The following ATP9B variants were observed in gnomAD, a reference collection of about 807,000 sequenced individuals.
ATP9B encodes ATPase phospholipid transporting 9B.
In ATP9B, 110 loss-of-function variants were observed where a neutral mutation model predicts 146.1. That is an observed-to-expected ratio of 0.75 (90% CI 0.65 to 0.88). The LOEUF (loss-of-function observed/expected upper bound fraction) is 0.88, where lower values mean the gene tolerates loss of function less well. Among genes scored for constraint, ATP9B ranks in the 40% least tolerant of loss-of-function variants. The probability of loss-of-function intolerance (pLI) is 0.00; values close to 1 mark genes in which losing one functional copy is unlikely to be tolerated. For synonymous variants in ATP9B, 604 were observed against 569.7 expected, an observed-to-expected ratio of 1.06 and a Z score of -0.86; for missense variants, 1,499 against 1,496.4, an observed-to-expected ratio of 1.00 and a Z score of -0.03.
chr18:79,238,203 G>A (rs1165391832), intron 11 of ATP9B, among the ~76,000 whole-genome samples: 1 of 150,556 alleles, frequency 6.6e-6, no homozygotes, highest in Non-Finnish European at 1.5e-5. Flanking sequence ...GTTGAGTACT[G>A]TCATGTTGAA....
chr18:79,187,683 A>G (rs1035303542), intron 8 of ATP9B, among the ~76,000 whole-genome samples: 1 of 152,168 alleles, frequency 6.6e-6, no homozygotes. Context: ...AGCAGTTCTC[A>G]GAGGACTGTG....
At chr18:79,147,086 T>G (rs1447991143) in intron 6 of ATP9B, among the ~76,000 whole-genome samples, 1 of 151,822 alleles carries the variant, frequency 6.6e-6, no homozygotes, top group African/African-American at 2.4e-5. Flanking sequence ...TACTTCAGAG[T>G]GAAGAAAATT....
chr18:79,175,664 C>T (rs1600179105), intron 7 of ATP9B, among the ~76,000 whole-genome samples: 5 of 152,228 alleles, frequency 3.3e-5, no homozygotes, highest in Admixed American at 3.3e-4. Flanking sequence ...CAGAAACACA[C>T]AGATCCTCAG....
chr18:79,291,270 C>T (rs546588621), intron 13 of ATP9B, among the ~76,000 whole-genome samples: 4 of 152,088 alleles, frequency 2.6e-5, no homozygotes, highest in South Asian at 2.1e-4. Flanking sequence ...TTTGACGTGA[C>T]GGCACTCTTA....
At chr18:79,100,088 C>G (rs1366755241) in intron 2 of ATP9B, among the ~76,000 whole-genome samples, 1 of 152,194 alleles carries the variant, frequency 6.6e-6, no homozygotes, top group Non-Finnish European at 1.5e-5. Context: ...GATCATGCCA[C>G]TGCACTCCAG....
chr18:79,174,738 G>A (rs1299266801), intron 7 of ATP9B, among the ~76,000 whole-genome samples: 1 of 152,162 alleles, frequency 6.6e-6, no homozygotes, highest in East Asian at 1.9e-4. Flanking sequence ...GATCTAAAGG[G>A]TTGATCATAC....
At chr18:79,362,789 A>C (rs2096997997) in intron 26 of ATP9B, 1 of 152,234 alleles carries the variant, frequency 6.6e-6, no homozygotes, top group Admixed American at 6.5e-5. Context: ...ATTACCAGCT[A>C]ACTCCAGAGA....
chr18:79,070,833 ATTAATGT>A (rs1027656221), intron 1 of ATP9B, among the ~76,000 whole-genome samples: 2 of 151,336 alleles, frequency 1.3e-5, no homozygotes, highest in Non-Finnish European at 2.9e-5. Flanking sequence ...TTTTTTTTGG[ATTAATGT>A]TTGCATGGTA....
intron 1 of ATP9B, among the ~76,000 whole-genome samples, chr18:79,073,499 G>A (rs868115717): frequency 1.3e-5 from 2 of 152,214 alleles, no homozygotes; most frequent in Non-Finnish European, 2.9e-5. Flanking sequence ...GTGGCGGCGC[G>A]CGCCTGCAAT....
intron 13 of ATP9B, among the ~76,000 whole-genome samples, chr18:79,291,297 A>C (rs1048032691): frequency 2.6e-5 from 4 of 152,018 alleles, no homozygotes; most frequent in African/African-American, 9.7e-5. Context: ...GGCTGCATTC[A>C]TTCCTCCCTT....
intron 15 of ATP9B, among the ~76,000 whole-genome samples, chr18:79,313,619 T>C (rs1274488862): frequency 6.6e-6 from 1 of 152,228 alleles, no homozygotes; most frequent in Non-Finnish European, 1.5e-5. Context: ...ATTCAAAGTA[T>C]CTGGGATTTT....
intron 9 of ATP9B, among the ~76,000 whole-genome samples, chr18:79,206,641 TAAATAAATAA>T (rs1181219727): frequency 6.6e-6 from 1 of 151,614 alleles, no homozygotes; most frequent in Non-Finnish European, 1.5e-5. Flanking sequence ...AATAAATAAA[TAAATAAATAA>T]ATAAATAAAT....
intron 29 of ATP9B, 130 bp downstream of exon 29, chr18:79,375,556 G>A (rs745509588): frequency 7.4e-6 from 11 of 1,485,904 alleles, no homozygotes; most frequent in East Asian, 4.9e-5. Context: ...CTGATGTCAC[G>A]TAAACTGGTG....
At chr18:79,314,718 T>A (rs2146740749) in intron 15 of ATP9B, among the ~76,000 whole-genome samples, 1 of 152,354 alleles carries the variant, frequency 6.6e-6, no homozygotes, top group African/African-American at 2.4e-5. Context: ...CTCCGCAGGC[T>A]CAGCATAGCA....
chr18:79,321,361 T>C (rs2096714825), intron 15 of ATP9B, among the ~76,000 whole-genome samples: 1 of 150,526 alleles, frequency 6.6e-6, no homozygotes, highest in Non-Finnish European at 1.5e-5. Flanking sequence ...AAATTATTTT[T>C]CTTGTAGTTA....
intron 2 of ATP9B, among the ~76,000 whole-genome samples, chr18:79,098,538 A>G (rs2075003746): frequency 6.6e-6 from 1 of 151,728 alleles, no homozygotes; most frequent in Admixed American, 6.6e-5. Flanking sequence ...ATTTACAAGA[A>G]GAAAACAAAC....
At chr18:79,356,785 G>C (rs1342972091) in intron 25 of ATP9B, among the ~76,000 whole-genome samples, 1 of 152,182 alleles carries the variant, frequency 6.6e-6, no homozygotes, top group Non-Finnish European at 1.5e-5. Flanking sequence ...AGCCGCAGGA[G>C]GGACCCTGTG....
chr18:79,231,137 CAG>C (rs766787922), intron 11 of ATP9B, among the ~76,000 whole-genome samples: 1 of 152,084 alleles, frequency 6.6e-6, no homozygotes, highest in East Asian at 1.9e-4. Flanking sequence ...GCAACAAAGA[CAG>C]ATAGATAGAC....
At chr18:79,263,880 C>G (rs941839351) in intron 12 of ATP9B, among the ~76,000 whole-genome samples, 6 of 152,130 alleles carry the variant, frequency 3.9e-5, no homozygotes, top group African/African-American at 1.4e-4. Context: ...GTCAGGAGAT[C>G]GAGACCATCC....
Sources: gnomAD v4.1 joint callset for allele counts (sites outside exome capture counted in the v4.1 genomes callset) on GRCh38, gnomAD v4.1.1 for gene constraint, MANE v1.5 for transcripts, NCBI Gene and HGNC (gene_info 2026-07-23, HGNC 2026-07-21) for gene names.